Variants in CDC16 observed in about 807,000 individuals in gnomAD.
CDC16 encodes the protein cell division cycle 16.
CDC16 carries 34 observed loss-of-function variants against 87.0 expected under a neutral mutation model. The ratio of observed to expected loss-of-function variants is 0.39; its 90% CI spans 0.30 to 0.52. The LOEUF is 0.52. CDC16 is among the 20% of genes least tolerant of loss of function. The pLI, the probability that CDC16 is intolerant of heterozygous loss-of-function variation, is 0.74. For missense variants in CDC16, 653 were observed against 751.9 expected, an observed-to-expected ratio of 0.87 and a Z score of 1.54; for synonymous variants, 263 against 260.6, an observed-to-expected ratio of 1.01 and a Z score of -0.09.
chr13:114,244,063 C>A, intron 8 of CDC16, 74 bp downstream of exon 8: 1 of 1,010,890 alleles, frequency 9.9e-7, no homozygotes, highest in Non-Finnish European at 1.5e-6. Flanking sequence ...CACGGACGTG[C>A]TCTCTGAATA....
intron 12 of CDC16, 69 bp from the exon 13 acceptor site, chr13:114,257,009 G>T: frequency 1.0e-6 from 1 of 989,152 alleles, no homozygotes; most frequent in Non-Finnish European, 1.5e-6. Context: ...AGGATTTGAA[G>T]TTGACAGATT....
chr13:114,248,438 T>C (rs2081981684), intron 11 of CDC16, among the ~76,000 whole-genome samples: 1 of 152,130 alleles, frequency 6.6e-6, no homozygotes, highest in Admixed American at 6.5e-5. Context: ...CCCAACACTT[T>C]GGGAGGCCGA....
chr13:114,238,994 AT>A lies in CDC16; in HGVS notation c.207del (p.Tyr69Ter), dbSNP rs1479820379. On this transcript the variant is annotated frameshift_variant, in exon 4 of 18. Transcript: ENST00000356221. LOFTEE classifies it high-confidence loss of function. ...ACAAATTAATTTCTTTCCTAGTTGTATGAAGCATGTCGTTACCTTGCAGCTA... is the reference window on the plus strand; with the variant it reads ...ACAAATTAATTTCTTTCCTAGTTGTAGAAGCATGTCGTTACCTTGCAGCTA... ...ALRSRKLDKL[Y>X]EACRYLAARC... 1 of 1,611,112 alleles carries A rather than the reference AT, an allele frequency of 6.2e-7. No individual in the cohort carries two copies. Among genetic ancestry groups the A allele is most frequent in the Non-Finnish European group, 8.5e-7 (1 of 1,178,274 alleles).
At position 114,239,326 on chromosome 13, in the gene CDC16, G is replaced by A. The variant is rs766331381; in HGVS notation, c.241-24G>A. 8 of 1,581,300 alleles carry A rather than the reference G, an allele frequency of 5.1e-6. No individual in the cohort carries two copies. In the South Asian group the frequency reaches 9.1e-5, roughly 18 times the overall value. On this transcript the variant is annotated intron_variant, in intron 4 of 17. Coordinates refer to ENST00000356221, the MANE Select transcript of CDC16 (RefSeq NM_001078645.3). ...TCGTGTTAGAAGTCGTGAGTGATGA[G>A]CGGCACTTCTGTTTTCCACGTAGTA...
At chr13:114,256,154 T>G (rs1408318051) in intron 12 of CDC16, among the ~76,000 whole-genome samples, 1 of 152,236 alleles carries the variant, frequency 6.6e-6, no homozygotes, top group Non-Finnish European at 1.5e-5. Context: ...TTTAGCCATC[T>G]TTTCTTGAAT....
chr13:114,267,304 A>C (rs1359030956), intron 17 of CDC16, among the ~76,000 whole-genome samples: 1 of 151,810 alleles, frequency 6.6e-6, no homozygotes, highest in Non-Finnish European at 1.5e-5. Flanking sequence ...CCTGGTCAAC[A>C]TGGTGAAACC....
chr13:114,236,176 ATG>A (rs762245481), intron 1 of CDC16, among the ~76,000 whole-genome samples: 11 of 152,118 alleles, frequency 7.2e-5, no homozygotes, highest in Admixed American at 1.3e-4. Flanking sequence ...TAGTTAATTT[ATG>A]TGTGTGTGTT....
At chr13:114,265,476 A>G (rs2083145254) in intron 17 of CDC16, among the ~76,000 whole-genome samples, 2 of 152,220 alleles carry the variant, frequency 1.3e-5, no homozygotes, top group Admixed American at 1.3e-4. Context: ...GCAAAATACC[A>G]CTATAGAATA....
chr13:114,260,704 AAG>A (rs1244944510), intron 14 of CDC16, among the ~76,000 whole-genome samples: 24 of 152,230 alleles, frequency 1.6e-4, no homozygotes, highest in African/African-American at 5.8e-4. Context: ...AAGTTATACG[AAG>A]AGGGGGAAAA....
chr13:114,265,676 A>C (rs1566684425), intron 17 of CDC16, among the ~76,000 whole-genome samples: 1 of 152,244 alleles, frequency 6.6e-6, no homozygotes, highest in Non-Finnish European at 1.5e-5. Context: ...GTGAATAAGT[A>C]ATAGTATAAG....
chr13:114,247,752 C>G (rs959626213), intron 11 of CDC16, among the ~76,000 whole-genome samples: 2 of 152,076 alleles, frequency 1.3e-5, no homozygotes, highest in Non-Finnish European at 2.9e-5. Context: ...TAGTGGGCAT[C>G]TGCATCCCAG....
chr13:114,241,413 C>G (rs964725778), intron 5 of CDC16, among the ~76,000 whole-genome samples: 4 of 152,240 alleles, frequency 2.6e-5, no homozygotes, highest in Non-Finnish European at 4.4e-5. Context: ...GACCACTCTG[C>G]TGCATTGCTG....
At position 114,242,272 on chromosome 13, in the gene CDC16, C is replaced by T; in HGVS notation, c.533C>T (p.Ala178Val). The change falls in exon 6 of 18, where the codon GCA (alanine) becomes GTA (valine). Residue 178 changes from alanine (A) to valine (V), a missense_variant. Physicochemically the swap from Ala to Val is moderately conservative, Grantham distance 64. Transcript: ENST00000356221. ...DLLTSHHMLTAQEEKELLESL... is the reference protein window; with the variant it reads ...DLLTSHHMLTVQEEKELLESL... ...TTAACATCACATCACATGCTGACAG[C>T]ACAAGAAGGTTTGGAAACTCAGGCT... 1 of 1,604,890 alleles carries T rather than the reference C, an allele frequency of 6.2e-7. No individual in the cohort carries two copies. The highest frequency in any genetic ancestry group is 8.5e-7 in the Non-Finnish European group (1 of 1,177,598).
chr13:114,265,041 TG>T, intron 16 of CDC16, 108 bp from the exon 17 acceptor site: 1 of 798,760 alleles, frequency 1.3e-6, no homozygotes, highest in Non-Finnish European at 2.2e-6. Context: ...TAGCTATGTC[TG>T]GCCACTTCCC....
intron 7 of CDC16, 112 bp from the exon 8 acceptor site, chr13:114,243,744 C>T (rs749568992): frequency 1.9e-4 from 148 of 792,804 alleles, no homozygotes; most frequent in Non-Finnish European, 2.8e-4. Flanking sequence ...TTCAGAGGCT[C>T]TCACATTTGT....
At chr13:114,253,098 CAAA>C (rs2082287304) in intron 12 of CDC16, among the ~76,000 whole-genome samples, 1 of 152,162 alleles carries the variant, frequency 6.6e-6, no homozygotes, top group Non-Finnish European at 1.5e-5. Context: ...AGATACATCT[CAAA>C]AACCTCATGA....
intron 3 of CDC16, among the ~76,000 whole-genome samples, chr13:114,238,264 T>G (rs1350655021): frequency 6.7e-5 from 9 of 134,576 alleles, no homozygotes; most frequent in Admixed American, 1.5e-4. Flanking sequence ...TCACACTCAG[T>G]GCCTGAAGTG....
At chr13:114,242,051 C>CT in intron 5 of CDC16, 70 bp from the exon 6 acceptor site, 1 of 1,519,492 alleles carries the variant, frequency 6.6e-7, no homozygotes, top group South Asian at 1.3e-5. Context: ...GACTCTGCCT[C>CT]TAAGGAGAAA....
At chr13:114,238,523 G>A (rs1223269989) in intron 3 of CDC16, among the ~76,000 whole-genome samples, 1 of 151,506 alleles carries the variant, frequency 6.6e-6, no homozygotes, top group South Asian at 2.1e-4. Context: ...GATCTCCTCG[G>A]ACGCCCAGCA....
Sources: gnomAD v4.1 joint callset for allele counts (sites outside exome capture counted in the v4.1 genomes callset) on GRCh38, gnomAD v4.1.1 for gene constraint, MANE v1.5 for transcripts, NCBI Gene and HGNC (gene_info 2026-07-23, HGNC 2026-07-21) for gene names.